Variants in AK7 observed in about 807,000 individuals in gnomAD.
The protein encoded by AK7 is ATP-AMP transphosphorylase 7.
AK7 carries 78 observed loss-of-function variants against 96.6 expected under a neutral mutation model. The ratio of observed to expected loss-of-function variants is 0.81; its 90% CI spans 0.67 to 0.97. The LOEUF (loss-of-function observed/expected upper bound fraction) is 0.97, where lower values mean the gene tolerates loss of function less well. Ranked by LOEUF, AK7 falls within the 50% of genes least tolerant of loss-of-function variation. AK7 has a pLI of 0.00. For missense variants in AK7, 855 were observed against 887.9 expected, an observed-to-expected ratio of 0.96 and a Z score of 0.47; for synonymous variants, 302 against 317.2, an observed-to-expected ratio of 0.95 and a Z score of 0.51.
chr14:96,443,714 A>T lies in AK7; in HGVS notation c.779+896A>T, dbSNP rs575438222. 3.7e-4 allele frequency among the ~76,000 whole-genome samples: 56 copies of T among 152,184 alleles called. No individual in the cohort carries two copies. In the South Asian group the frequency reaches 4.4e-3, roughly 12 times the overall value. The stretch of plus-strand genomic sequence containing the variant: ...CATTGGAAGATTTGTCTTGGGCCAC[A>T]CATAAAATACACTAACACTAACGAT... On this transcript the variant is annotated intron_variant, in intron 7 of 17. Coordinates refer to ENST00000267584, the MANE Select transcript of AK7 (RefSeq NM_152327.5).
chr14:96,410,626 G>A (rs1253261057), intron 4 of AK7, among the ~76,000 whole-genome samples: 2 of 152,200 alleles, frequency 1.3e-5, no homozygotes, highest in African/African-American at 4.8e-5. Flanking sequence ...TGTCCTTGTG[G>A]CATGCCCTCA....
At chr14:96,475,799 C>T (rs1046871041) in intron 14 of AK7, among the ~76,000 whole-genome samples, 1 of 151,780 alleles carries the variant, frequency 6.6e-6, no homozygotes, top group African/African-American at 2.4e-5. Flanking sequence ...TAGCAAGACC[C>T]CCATCTCCAC....
In AK7 at chr14:96,475,437, G is replaced by A. The variant is rs559354551; in HGVS notation, c.1555+2682G>A. ...GGTTTCTTTGGGAAAGCCAAGACAGGCCACAGTGAACCGTTCGGGACTGGC... is the reference window on the plus strand; with the variant it reads ...GGTTTCTTTGGGAAAGCCAAGACAGACCACAGTGAACCGTTCGGGACTGGC... On this transcript the variant is annotated intron_variant, in intron 14 of 17. Coordinates refer to ENST00000267584, the MANE Select transcript of AK7 (RefSeq NM_152327.5). 7.2e-5 allele frequency among the ~76,000 whole-genome samples: 11 copies of A among 152,328 alleles called. No homozygotes were observed. In the South Asian group the frequency reaches 2.3e-3, roughly 32 times the overall value.
intron 10 of AK7, among the ~76,000 whole-genome samples, chr14:96,455,444 C>A (rs1211614085): frequency 6.6e-6 from 1 of 152,086 alleles, no homozygotes; most frequent in African/African-American, 2.4e-5. Flanking sequence ...GTGATTGCAC[C>A]ACTACACTCC....
chr14:96,442,814 G>C lies in AK7; in HGVS notation c.775G>C (p.Ala259Pro), dbSNP rs1329600488. 3.1e-6 allele frequency: 5 copies of C among 1,613,444 alleles called. No homozygotes were observed. Among genetic ancestry groups the C allele is most frequent in the Non-Finnish European group, 4.2e-6 (5 of 1,179,352 alleles). Residue 259 changes from alanine to proline, a missense_variant, in exon 7 of 18, where the codon GCA becomes CCA. Coordinates refer to ENST00000267584, the MANE Select transcript of AK7 (RefSeq NM_152327.5). ...VIPTIHVLDL[A>P]GVIQNVIDHV... ...TCCAACAATCCATGTTCTTGATCTA[G>C]CAGGGTAAGCATTCGCCCAGAGACG...
rs748135276 is a variant in AK7, at chr14:96,408,843, A to G, written c.404-4A>G. ...AATAACCACTCTGCTTTTTGGCCCCACAGCACTCAGTGAAGAAGTCAGCCA... is the reference window on the plus strand; with the variant it reads ...AATAACCACTCTGCTTTTTGGCCCCGCAGCACTCAGTGAAGAAGTCAGCCA... On this transcript the variant is annotated splice_region_variant and splice_polypyrimidine_tract_variant and intron_variant, in intron 3 of 17. Coordinates refer to ENST00000267584, the MANE Select transcript of AK7 (RefSeq NM_152327.5). 10 of 1,614,104 alleles carry G rather than the reference A, an allele frequency of 6.2e-6. No homozygotes were observed. In the East Asian group the frequency reaches 1.8e-4, roughly 29 times the overall value.
intron 1 of AK7, among the ~76,000 whole-genome samples, chr14:96,392,790 G>A (rs1889832492): frequency 6.6e-6 from 1 of 152,106 alleles, no homozygotes; most frequent in African/African-American, 2.4e-5. Flanking sequence ...CAGCCTCCGA[G>A]TAGCTGGGAC....
Position 96,458,146 on chromosome 14 carries a change from G to A in AK7, c.1291G>A (p.Glu431Lys), listed in dbSNP as rs1312760467. 2.5e-6 allele frequency: 4 copies of A among 1,613,952 alleles called. No individual in the cohort carries two copies. Among genetic ancestry groups the A allele is most frequent in the Non-Finnish European group, 3.4e-6 (4 of 1,179,986 alleles). ...AGAAGAAGTCGAAGAGGAAGAGGAG[G>A]AGGAGAATGTGGAAGATGCACAGGA... ...GEEEVEEEEEEENVEDAQELL... is the reference protein window; with the variant it reads ...GEEEVEEEEEKENVEDAQELL... Residue 431 changes from glutamate (E) to lysine (K), a missense_variant, in exon 12 of 18, where the codon GAG (glutamate) becomes AAG (lysine). Transcript: ENST00000267584.
In AK7 at chr14:96,404,164, A is replaced by C. The variant is rs1040085170; in HGVS notation, c.295-593A>C. On this transcript the variant is annotated intron_variant, in intron 2 of 17. Coordinates refer to ENST00000267584, the MANE Select transcript of AK7 (RefSeq NM_152327.5). The stretch of plus-strand genomic sequence containing the variant: ...GTGTCTCAAATTAAAAAAAAAAAAA[A>C]AAAAAAAAACACCAAAAATGATCAG... 3.0e-4 allele frequency among the ~76,000 whole-genome samples: 46 copies of C among 151,604 alleles called. No homozygotes were observed. In the East Asian group the frequency reaches 7.4e-3, roughly 24 times the overall value.
chr14:96,456,775 C>T (rs1893937183), intron 11 of AK7: 2 of 248,306 alleles, frequency 8.1e-6, no homozygotes, highest in African/African-American at 2.2e-5. Context: ...GTGTTTGTGT[C>T]GTCTTCTTCG....
At chr14:96,474,167 G>A (rs1160344133) in intron 14 of AK7, among the ~76,000 whole-genome samples, 1 of 152,138 alleles carries the variant, frequency 6.6e-6, no homozygotes, top group Non-Finnish European at 1.5e-5. Flanking sequence ...ACTGAAAAGG[G>A]CCTGCCTGCT....
At chr14:96,395,718 GA>G (rs71103518) in intron 1 of AK7, among the ~76,000 whole-genome samples, 581 of 41,018 alleles carry the variant, frequency 0.014, 1 homozygote, top group East Asian at 0.036. Flanking sequence ...CTTGTCTCTA[GA>G]AAAAAAAAAA....
intron 10 of AK7, among the ~76,000 whole-genome samples, chr14:96,452,759 A>G (rs567692665): frequency 1.3e-5 from 2 of 151,880 alleles, no homozygotes; most frequent in South Asian, 4.2e-4. Context: ...CCCAGGTTCA[A>G]GTGCCTCAGC....
chr14:96,431,704 A>G (rs1238850811), intron 5 of AK7, among the ~76,000 whole-genome samples: 1 of 152,162 alleles, frequency 6.6e-6, no homozygotes, highest in Non-Finnish European at 1.5e-5. Context: ...GAATAAGTGC[A>G]ATGTGGTGCT....
chr14:96,437,825 T>C lies in AK7; in HGVS notation c.610-10T>C. ...CATCCAGCTTTTTTTTTCTGTATTT[T>C]ATCTAATAGGCCAGAAAATTTGCAG... On this transcript the variant is annotated splice_polypyrimidine_tract_variant and intron_variant, in intron 5 of 17. Transcript: ENST00000267584. 1 of 1,600,778 alleles carries C rather than the reference T, an allele frequency of 6.2e-7. No individual in the cohort carries two copies. The highest frequency in any genetic ancestry group is 1.3e-5 in the African/African-American group (1 of 74,344).
At chr14:96,474,946 ACT>A (rs1895095962) in intron 14 of AK7, among the ~76,000 whole-genome samples, 1 of 152,206 alleles carries the variant, frequency 6.6e-6, no homozygotes, top group Admixed American at 6.5e-5. Flanking sequence ...ATGCAAGTCC[ACT>A]CACTAGTAAA....
chr14:96,486,848 C>A (rs755082740), intron 16 of AK7, 50 bp from the exon 17 acceptor site: 1 of 1,556,160 alleles, frequency 6.4e-7, no homozygotes, highest in Non-Finnish European at 8.8e-7. Flanking sequence ...TGTGAGTGTT[C>A]TCCCCTTTCT....
At chr14:96,420,750 A>G (rs1265080746) in intron 4 of AK7, 72 bp from the exon 5 acceptor site, 2 of 1,081,524 alleles carry the variant, frequency 1.8e-6, no homozygotes, top group Non-Finnish European at 1.4e-6. Flanking sequence ...TTAAAGGAAC[A>G]TATCTTTAGC....
chr14:96,436,974 T>C (rs973448336), intron 5 of AK7, among the ~76,000 whole-genome samples: 3 of 150,524 alleles, frequency 2.0e-5, no homozygotes, highest in Non-Finnish European at 4.4e-5. Context: ...ACCTAAGGCA[T>C]GGCCTCCAGC....
Sources: allele counts gnomAD v4.1 joint callset (sites outside exome capture counted in the v4.1 genomes callset), GRCh38; gene constraint gnomAD v4.1.1; transcripts MANE v1.5; gene names NCBI Gene and HGNC (gene_info 2026-07-23, HGNC 2026-07-21).